The following CSMD2 variants were observed in gnomAD, a reference collection of about 807,000 sequenced individuals.
CSMD2 encodes the protein CUB and Sushi multiple domains 2, also known as CUB and sushi domain-containing protein 2.
In CSMD2, 130 loss-of-function variants were observed where a neutral mutation model predicts 398.5. The ratio of observed to expected loss-of-function variants is 0.33; its 90% CI spans 0.28 to 0.38. The LOEUF (loss-of-function observed/expected upper bound fraction) is 0.38, where lower values mean the gene tolerates loss of function less well. CSMD2 is among the 10% of genes least tolerant of loss of function. The pLI, the probability that CSMD2 is intolerant of heterozygous loss-of-function variation, is 1.00. For missense variants in CSMD2, 3,829 were observed against 4,764.9 expected, an observed-to-expected ratio of 0.80 and a Z score of 5.78; for synonymous variants, 1,828 against 1,908.5, an observed-to-expected ratio of 0.96 and a Z score of 1.10.
intron 15 of CSMD2, among the ~76,000 whole-genome samples, chr1:33,737,632 A>G (rs993995871): frequency 6.6e-6 from 1 of 152,168 alleles, no homozygotes. Context: ...GACAGCAGGC[A>G]GTCTGGTGAG....
intron 13 of CSMD2, among the ~76,000 whole-genome samples, chr1:33,761,261 T>C (rs1649781770): frequency 6.6e-6 from 1 of 152,116 alleles, no homozygotes; most frequent in South Asian, 2.1e-4. Context: ...AGTCTTTCCA[T>C]GTCCCAAGCA....
intron 2 of CSMD2, among the ~76,000 whole-genome samples, chr1:34,050,511 C>T (rs1558303053): frequency 6.6e-6 from 1 of 152,206 alleles, no homozygotes; most frequent in East Asian, 1.9e-4. Context: ...CAATCTGAAG[C>T]AGCTGGCTAG....
chr1:33,904,727 C>T (rs894627188), intron 5 of CSMD2, among the ~76,000 whole-genome samples: 2 of 143,736 alleles, frequency 1.4e-5, no homozygotes, highest in Admixed American at 1.4e-4. Context: ...TGCAGTGGCA[C>T]GATCTCACTG....
chr1:33,718,782 T>C (rs1646257954), intron 19 of CSMD2, among the ~76,000 whole-genome samples: 1 of 152,268 alleles, frequency 6.6e-6, no homozygotes, highest in African/African-American at 2.4e-5. Flanking sequence ...GAGATAAGCC[T>C]CTAATGCTAA....
chr1:33,597,354 T>A (rs1298185189), intron 44 of CSMD2, among the ~76,000 whole-genome samples: 1 of 152,380 alleles, frequency 6.6e-6, no homozygotes, highest in East Asian at 1.9e-4. Flanking sequence ...ACTTTTTGTT[T>A]GCTATCTTAT....
chr1:33,954,151 C>A (rs922689381), intron 3 of CSMD2, among the ~76,000 whole-genome samples: 18 of 152,160 alleles, frequency 1.2e-4, no homozygotes, highest in Non-Finnish European at 1.5e-5. Context: ...CCTTCAACCC[C>A]CTCCCCTGAG....
At chr1:34,119,464 G>C (rs1362972547) in intron 1 of CSMD2, among the ~76,000 whole-genome samples, 5 of 152,122 alleles carry the variant, frequency 3.3e-5, no homozygotes, top group Admixed American at 6.5e-5. Flanking sequence ...AAAGGAAATA[G>C]TCAACAGAAT....
intron 2 of CSMD2, among the ~76,000 whole-genome samples, chr1:34,077,502 C>T (rs1490580548): frequency 6.8e-5 from 10 of 146,824 alleles, no homozygotes; most frequent in Middle Eastern, 3.9e-3. Context: ...TTTGGGAGGC[C>T]GAGGCGGGCG....
At chr1:33,822,378 G>A (rs1294503060) in intron 7 of CSMD2, among the ~76,000 whole-genome samples, 1 of 152,056 alleles carries the variant, frequency 6.6e-6, no homozygotes, top group African/African-American at 2.4e-5. Flanking sequence ...ACTCACTGAG[G>A]GAGTCTACAG....
Position 33,948,278 on chromosome 1 carries a change from T to C in CSMD2, c.518-12324A>G, listed in dbSNP as rs545122305. Among the ~76,000 whole-genome samples, 4 of 152,304 alleles carry C rather than the reference T, an allele frequency of 2.6e-5. No individual in the cohort carries two copies. The South Asian group carries it at 6.2e-4, about 24-fold the overall frequency. ...CATCTGTTCAGGTCCTCTGAAGTCA[T>C]AGAGGCAGGTGGTAGAATGGACTCT... On this transcript the variant is annotated intron_variant, in intron 3 of 70. Coordinates refer to ENST00000373381, the MANE Select transcript of CSMD2 (RefSeq NM_001281956.2).
chr1:33,934,833 GAAAA>G (rs10552121), intron 4 of CSMD2, among the ~76,000 whole-genome samples: 103 of 109,604 alleles, frequency 9.4e-4, no homozygotes, highest in Non-Finnish European at 1.4e-3. Context: ...CTGTCTCCAT[GAAAA>G]AAAAAAAAAA....
At chr1:33,542,226 G>A (rs1656415410) in intron 58 of CSMD2, among the ~76,000 whole-genome samples, 1 of 152,210 alleles carries the variant, frequency 6.6e-6, no homozygotes, top group African/African-American at 2.4e-5. Flanking sequence ...AGAAATTGGA[G>A]CTGTGAGGCT....
In CSMD2 at chr1:33,679,328, A is replaced by G. The variant is rs534786702; in HGVS notation, c.4052+13602T>C. Among the ~76,000 whole-genome samples, 81 of 151,536 alleles carry G rather than the reference A, an allele frequency of 5.3e-4. 1 individual carries two copies. The highest frequency in any genetic ancestry group is 1.9e-3 in the African/African-American group (78 of 41,274). On this transcript the variant is annotated intron_variant, in intron 25 of 70. Coordinates refer to ENST00000373381, the MANE Select transcript of CSMD2 (RefSeq NM_001281956.2). The stretch of plus-strand genomic sequence containing the variant: ...GCGATTCTCCTGCCTCAGCCTTTCA[A>G]GTAGCTGGGATTACAGGCTCATGCC...
chr1:33,657,041 CCTTCAAGTTCCCTCCTCCT>C (rs1643968555), intron 27 of CSMD2, among the ~76,000 whole-genome samples: 2 of 152,150 alleles, frequency 1.3e-5, no homozygotes, highest in Non-Finnish European at 2.9e-5. Flanking sequence ...TCCCAGCCTC[CCTTCAAGTTCCCTCCTCCT>C]CTCAGTCTCA....
In CSMD2 at chr1:33,846,873, G is replaced by A; in HGVS notation, c.1033+11C>T. 6.3e-7 allele frequency: 1 copy of A among 1,578,062 alleles called. No individual in the cohort carries two copies. The highest frequency in any genetic ancestry group is 8.6e-7 in the Non-Finnish European group (1 of 1,156,398). ...CACTGAGGAAGCCAGACAGTCCTGG[G>A]ACCTGCCTACCTTGGTATTGGGCAC... On this transcript the variant is annotated intron_variant, in intron 6 of 70. Transcript: ENST00000373381.
At chr1:33,942,642 C>T (rs471453) in intron 3 of CSMD2, among the ~76,000 whole-genome samples, 7 of 152,236 alleles carry the variant, frequency 4.6e-5, no homozygotes, top group African/African-American at 1.7e-4. Flanking sequence ...TAGACCCTGT[C>T]CCTAAACCTG....
chr1:33,683,760 C>T (rs1019218213), intron 25 of CSMD2, among the ~76,000 whole-genome samples: 3 of 152,200 alleles, frequency 2.0e-5, no homozygotes, highest in Non-Finnish European at 4.4e-5. Context: ...CACATCCTCT[C>T]CTTCAAAAAA....
chr1:33,828,932 G>A (rs1206998182), intron 6 of CSMD2, among the ~76,000 whole-genome samples: 1 of 152,214 alleles, frequency 6.6e-6, no homozygotes, highest in Non-Finnish European at 1.5e-5. Context: ...AGCATAGGAT[G>A]GAGTTTGTCA....
intron 5 of CSMD2, among the ~76,000 whole-genome samples, chr1:33,909,007 T>C (rs1489448669): frequency 6.6e-6 from 1 of 152,150 alleles, no homozygotes; most frequent in Non-Finnish European, 1.5e-5. Context: ...AGCAAAGGCG[T>C]CACAAGCCCA....
Sources: gnomAD v4.1 joint callset for allele counts (sites outside exome capture counted in the v4.1 genomes callset) on GRCh38, gnomAD v4.1.1 for gene constraint, MANE v1.5 for transcripts, NCBI Gene and HGNC (gene_info 2026-07-23, HGNC 2026-07-21) for gene names.